Variants in MACF1 observed in about 807,000 individuals in gnomAD.
MACF1 encodes microtubule-actin cross-linking factor 1.
A neutral mutation model predicts 854.8 loss-of-function variants in MACF1; 193 were observed. That is an observed-to-expected ratio of 0.23 (90% CI 0.20 to 0.25). The LOEUF (loss-of-function observed/expected upper bound fraction) is 0.25, where lower values mean the gene tolerates loss of function less well. Among genes scored for constraint, MACF1 ranks in the 10% least tolerant of loss-of-function variants. The pLI is 1.00. For synonymous variants in MACF1, 3,185 were observed against 3,226.7 expected, an observed-to-expected ratio of 0.99 and a Z score of 0.44; for missense variants, 7,722 against 8,929.1, an observed-to-expected ratio of 0.86 and a Z score of 5.45.
In MACF1 at chr1:39,452,051, A is replaced by T. The variant is rs564880520; in HGVS notation, c.20419-105A>T. The T allele has an allele frequency of 2.3e-4, 234 of 1,036,498 alleles. 1 individual carries two copies. Among genetic ancestry groups the T allele is most frequent in the South Asian group, 1.7e-3 (100 of 58,736 alleles). 64.2% of individuals were successfully genotyped at this position (1,036,498 alleles called of 1,614,324 possible). On this transcript the variant is annotated intron_variant, in intron 85 of 100. Coordinates refer to ENST00000564288, the MANE Select transcript of MACF1 (RefSeq NM_001394062.1). ...CATTGCTCTGCCTCCCTCTATGCAT[A>T]AAAGACACATGATTAGAACCTACCA... is the stretch of plus-strand genomic sequence containing the variant.
chr1:39,169,655 C>T (rs1161486493), intron 2 of MACF1, among the ~76,000 whole-genome samples: 4 of 151,698 alleles, frequency 2.6e-5, no homozygotes, highest in African/African-American at 9.7e-5. Flanking sequence ...TCCTACTTAA[C>T]CAGGCTTATC....
At chr1:39,259,356 G>T (rs1232257979) in intron 6 of MACF1, among the ~76,000 whole-genome samples, 2 of 151,986 alleles carry the variant, frequency 1.3e-5, no homozygotes, top group Non-Finnish European at 2.9e-5. Flanking sequence ...CCGCCTCCTG[G>T]GTTCAAGAGA....
At chr1:39,169,385 C>T (rs1643915375) in intron 2 of MACF1, among the ~76,000 whole-genome samples, 2 of 152,138 alleles carry the variant, frequency 1.3e-5, no homozygotes, top group Non-Finnish European at 2.9e-5. Context: ...TGCTTGAGGT[C>T]AGGAGTCTGA....
In MACF1 at chr1:39,088,846, G is replaced by A. The variant is rs143090257; in HGVS notation, c.220+4408G>A. The stretch of plus-strand genomic sequence containing the variant: ...TCACATTTGTTGTCATTGCAGACGT[G>A]TACATTTATTATTACAAGTTTCCTG... On this transcript the variant is annotated intron_variant, in intron 2 of 93. Coordinates refer to the MACF1 transcript ENST00000361689. 1.8e-4 allele frequency among the ~76,000 whole-genome samples: 28 copies of A among 152,330 alleles called. 2 individuals carry two copies. The East Asian group carries it at 5.4e-3, about 29-fold the overall frequency.
chr1:39,305,206 A>G (rs1311661148), intron 23 of MACF1, among the ~76,000 whole-genome samples: 11 of 150,008 alleles, frequency 7.3e-5, no homozygotes, highest in Non-Finnish European at 1.3e-4. Flanking sequence ...GGTTGCAGTG[A>G]GCTGAGATAG....
rs559142252 is a variant in MACF1 at position 39,264,062 on chromosome 1, T to C, written c.528+6034T>C. On this transcript the variant is annotated intron_variant, in intron 6 of 100. Transcript: ENST00000564288. ...TACTGGGATTACAGGCATGAGCCAC[T>C]GTGCCCAGCATGATTTGTTCATTTT... Among the ~76,000 whole-genome samples the C allele has an allele frequency of 1.0e-3, 155 of 152,300 alleles. 1 individual carries two copies. Among genetic ancestry groups the C allele is most frequent in the African/African-American group, 3.6e-3 (149 of 41,562 alleles).
rs771471569 is a variant in MACF1 at position 39,459,846 on chromosome 1, GT to G, written c.21360+601del. 3.5e-4 allele frequency: 459 copies of G among 1,303,496 alleles called. 1 individual carries two copies. The highest frequency in any genetic ancestry group is 4.2e-4 in the Non-Finnish European group (416 of 988,514). The allele number at this position is 1,303,496 out of a possible 1,614,324, so 80.7% of individuals were successfully genotyped here. On this transcript the variant is annotated intron_variant, in intron 91 of 100. Coordinates refer to ENST00000564288, the MANE Select transcript of MACF1 (RefSeq NM_001394062.1). Reference sequence around the variant, plus strand: ...CTATGCCTGGAAGTGAGTGTTCTGTGTTTTGTTTATTTTTTCCTTAGGTCAG... The same window carrying G: ...CTATGCCTGGAAGTGAGTGTTCTGTGTTTGTTTATTTTTTCCTTAGGTCAG...
At chr1:39,277,911 GTTC>G (rs1645468169) in intron 6 of MACF1, among the ~76,000 whole-genome samples, 1 of 152,090 alleles carries the variant, frequency 6.6e-6, no homozygotes, top group African/African-American at 2.4e-5. Context: ...GTCTTTTCTT[GTTC>G]TTCTCCATGG....
chr1:39,470,403 G>A (rs749304731), intron 97 of MACF1, among the ~76,000 whole-genome samples: 1 of 152,152 alleles, frequency 6.6e-6, no homozygotes, highest in Non-Finnish European at 1.5e-5. Context: ...TACATTGGGA[G>A]CCCAAGGCAG....
rs116831958 is a variant in MACF1, at chr1:39,128,912, G to A, written c.220+44474G>A. 5.7e-3 allele frequency among the ~76,000 whole-genome samples: 868 copies of A among 152,176 alleles called. 4 individuals carry two copies. The highest frequency in any genetic ancestry group is 7.5e-3 in the Non-Finnish European group (511 of 68,012). ...AGTTGACCATGAAATGCCGTGTATCGTCACTTGTATTTTATTATTTGTTAT... is the reference window on the plus strand; with the variant it reads ...AGTTGACCATGAAATGCCGTGTATCATCACTTGTATTTTATTATTTGTTAT... On this transcript the variant is annotated intron_variant, in intron 2 of 93. Coordinates refer to the MACF1 transcript ENST00000361689.
intron 27 of MACF1, 23 bp from the exon 28 acceptor site, chr1:39,316,368 G>A (rs1203170794): frequency 6.3e-7 from 1 of 1,582,576 alleles, no homozygotes; most frequent in African/African-American, 1.4e-5. Flanking sequence ...TGTTAATGAA[G>A]GAATGTGTAT....
At chr1:39,148,078 C>T (rs987905530) in intron 2 of MACF1, among the ~76,000 whole-genome samples, 2 of 152,218 alleles carry the variant, frequency 1.3e-5, no homozygotes, top group Admixed American at 6.5e-5. Context: ...TTTCCTTCTA[C>T]CCCAACCAGT....
intron 95 of MACF1, 116 bp from the exon 96 acceptor site, chr1:39,468,499 C>A: frequency 1.3e-6 from 1 of 761,056 alleles, no homozygotes; most frequent in Non-Finnish European, 2.1e-6. Context: ...TGAGAGTTAA[C>A]AATTCTTCTG....
chr1:39,268,716 T>C (rs1226840745), intron 6 of MACF1: 1 of 1,281,946 alleles, frequency 7.8e-7, no homozygotes, highest in Admixed American at 2.4e-5. Flanking sequence ...TTCACTGGGC[T>C]GTTTTAAGGA....
rs1474271940 is a variant in MACF1 at position 39,250,002 on chromosome 1, TC to T, written c.172-11del. ...TCAAATAAAAATCTGTCTGTTTCAC[TC>T]TCATTCACAGGTCCGCAAGCACATC... On this transcript the variant is annotated splice_polypyrimidine_tract_variant and intron_variant, in intron 2 of 100. Transcript: ENST00000564288. The T allele has an allele frequency of 6.5e-7, 1 of 1,542,676 alleles. No individual in the cohort carries two copies. Among genetic ancestry groups the T allele is most frequent in the East Asian group, 2.3e-5 (1 of 44,022 alleles).
At chr1:39,266,520 G>A (rs1645233407) in intron 6 of MACF1, among the ~76,000 whole-genome samples, 2 of 152,042 alleles carry the variant, frequency 1.3e-5, no homozygotes, top group Non-Finnish European at 2.9e-5. Context: ...TGGGACATCA[G>A]GAGGGTCTTA....
At chr1:39,384,722 T>G (rs543207544) in intron 56 of MACF1, among the ~76,000 whole-genome samples, 1 of 152,310 alleles carries the variant, frequency 6.6e-6, no homozygotes, top group Admixed American at 6.5e-5. Context: ...AAACAGACAC[T>G]GAGAGTTGAC....
In MACF1 at chr1:39,103,910, A is replaced by G. The variant is rs112046032; in HGVS notation, c.220+19472A>G. ...CATGCACCTATTAGCGAAAAGCGTC[A>G]TTTGTTTTACTTGTTACCAATGTGC... On this transcript the variant is annotated intron_variant, in intron 2 of 93. Transcript: ENST00000361689. 1.9e-3 allele frequency among the ~76,000 whole-genome samples: 297 copies of G among 152,326 alleles called. 2 individuals carry two copies. The highest frequency in any genetic ancestry group is 6.9e-3 in the African/African-American group (285 of 41,570).
intron 1 of MACF1, among the ~76,000 whole-genome samples, chr1:39,212,905 C>T (rs374756553): frequency 4.6e-5 from 7 of 152,322 alleles, no homozygotes; most frequent in South Asian, 4.1e-4. Context: ...GCATTATAGG[C>T]GTAAGCCACT....
Sources: gnomAD v4.1 joint callset for allele counts (sites outside exome capture counted in the v4.1 genomes callset) on GRCh38, gnomAD v4.1.1 for gene constraint, MANE v1.5 for transcripts, NCBI Gene and HGNC (gene_info 2026-07-23, HGNC 2026-07-21) for gene names.